SAMD12: variants seen among roughly 807,000 people sequenced by gnomAD.
The protein encoded by SAMD12 is sterile alpha motif domain-containing protein 12.
A neutral mutation model predicts 15.0 loss-of-function variants in SAMD12; 9 were observed. The ratio of observed to expected loss-of-function variants is 0.60; its 90% CI spans 0.36 to 1.05. The LOEUF (loss-of-function observed/expected upper bound fraction) is 1.05. Ranked by LOEUF, SAMD12 falls within the 50% of genes least tolerant of loss-of-function variation. The probability of loss-of-function intolerance (pLI) is 0.01; values close to 1 mark genes in which losing one functional copy is unlikely to be tolerated. For missense variants in SAMD12, 230 were observed against 234.2 expected, an observed-to-expected ratio of 0.98 and a Z score of 0.12; for synonymous variants, 86 against 90.1, an observed-to-expected ratio of 0.96 and a Z score of 0.25.
intron 4 of SAMD12, among the ~76,000 whole-genome samples, chr8:118,267,316 T>C (rs1001466551): frequency 6.6e-6 from 1 of 152,152 alleles, no homozygotes; most frequent in African/African-American, 2.4e-5. Context: ...GTCTTTATGA[T>C]GCCATGATTC....
At chr8:118,348,506 G>T (rs1306650831) in intron 4 of SAMD12, among the ~76,000 whole-genome samples, 1 of 152,024 alleles carries the variant, frequency 6.6e-6, no homozygotes, top group Admixed American at 6.6e-5. Flanking sequence ...CGAGTAGCTG[G>T]AACTACAGGC....
the SAMD12 span, among the ~76,000 whole-genome samples, chr8:118,184,346 C>T: frequency 1.3e-5 from 2 of 152,114 alleles, no homozygotes; most frequent in East Asian, 1.9e-4. Flanking sequence ...GTCTTTGAAA[C>T]TCTCCCAGTC....
intron 4 of SAMD12, among the ~76,000 whole-genome samples, chr8:118,296,775 A>G (rs1814735736): frequency 6.6e-6 from 1 of 152,242 alleles, no homozygotes; most frequent in Non-Finnish European, 1.5e-5. Context: ...AGGCAAACTA[A>G]GCTCTGGTCT....
intron 4 of SAMD12, among the ~76,000 whole-genome samples, chr8:118,343,780 C>CCGGACTAGGTCAGGA (rs1817492585): frequency 6.6e-6 from 1 of 152,000 alleles, no homozygotes. Flanking sequence ...ACAGATCAGG[C>CCGGACTAGGTCAGGA]CGGACTAGGT....
At chr8:118,366,550 T>C (rs1318516739) in intron 4 of SAMD12, among the ~76,000 whole-genome samples, 1 of 152,126 alleles carries the variant, frequency 6.6e-6, no homozygotes, top group African/African-American at 2.4e-5. Context: ...CGGTGGCTCA[T>C]GCCTGTAATC....
chr8:118,258,861 A>C (rs1196925539), intron 4 of SAMD12, among the ~76,000 whole-genome samples: 1 of 152,122 alleles, frequency 6.6e-6, no homozygotes, highest in Admixed American at 6.6e-5. Context: ...AAAGGAGTTG[A>C]GAATTGAGAA....
chr8:118,484,044 T>C (rs369999759), intron 2 of SAMD12, among the ~76,000 whole-genome samples: 2 of 152,316 alleles, frequency 1.3e-5, no homozygotes, highest in Admixed American at 6.5e-5. Flanking sequence ...AAAATCATCC[T>C]GTGATATGTC....
At chr8:118,441,531 ACTT>A (rs1393858368) in intron 2 of SAMD12, among the ~76,000 whole-genome samples, 2 of 152,018 alleles carry the variant, frequency 1.3e-5, no homozygotes, top group Non-Finnish European at 2.9e-5. Flanking sequence ...AATGCTGATC[ACTT>A]TTTATTTTGT....
At chr8:118,257,798 T>G (rs934470788) in intron 4 of SAMD12, among the ~76,000 whole-genome samples, 1 of 152,128 alleles carries the variant, frequency 6.6e-6, no homozygotes, top group South Asian at 2.1e-4. Flanking sequence ...AGACCAGTCA[T>G]GACCTTGAAA....
chr8:118,501,738 C>T lies in SAMD12; in HGVS notation c.193-61777G>A, dbSNP rs995888354. ...TCCTGTTAAAATGCAGATTCTGGGC[C>T]GGGCGCGGTGGCTCATGCCTGTAAT... On this transcript the variant is annotated intron_variant, in intron 2 of 3. Coordinates refer to ENST00000314727, the MANE Select transcript of SAMD12 (RefSeq NM_207506.3). Among the ~76,000 whole-genome samples the T allele has an allele frequency of 7.9e-5, 12 of 152,298 alleles. No individual in the cohort carries two copies. In the East Asian group the frequency reaches 2.3e-3, roughly 29 times the overall value.
At chr8:118,567,143 T>C (rs1320095929) in intron 2 of SAMD12, among the ~76,000 whole-genome samples, 1 of 152,160 alleles carries the variant, frequency 6.6e-6, no homozygotes, top group Non-Finnish European at 1.5e-5. Flanking sequence ...ATGAGGTAGA[T>C]AGTATTATTA....
intron 2 of SAMD12, among the ~76,000 whole-genome samples, chr8:118,550,767 T>C (rs369747614): frequency 0.19 from 27,922 of 149,728 alleles, 2,827 homozygotes; most frequent in African/African-American, 0.27. Context: ...CATCAGTGTG[T>C]TGTATTCAGG....
intron 2 of SAMD12, among the ~76,000 whole-genome samples, chr8:118,536,036 C>G (rs562057486): frequency 1.3e-5 from 2 of 152,198 alleles, no homozygotes; most frequent in East Asian, 1.9e-4. Flanking sequence ...TCTTCTGCGT[C>G]GCTCACGCTG....
intron 1 of SAMD12, among the ~76,000 whole-genome samples, chr8:118,608,837 C>T (rs1030379982): frequency 6.6e-6 from 1 of 152,094 alleles, no homozygotes. Context: ...GGAAGAACAG[C>T]CTAAACAAAG....
the SAMD12 span, among the ~76,000 whole-genome samples, chr8:118,167,197 C>T: frequency 2.0e-5 from 3 of 152,038 alleles, no homozygotes; most frequent in Admixed American, 6.6e-5. Context: ...CCCCCGCGCC[C>T]CCCACACGGA....
chr8:118,593,716 A>T (rs1290366774), intron 1 of SAMD12, among the ~76,000 whole-genome samples: 2 of 152,160 alleles, frequency 1.3e-5, no homozygotes, highest in Admixed American at 6.5e-5. Context: ...TTTTTCTGTA[A>T]ATGTTAGTTT....
the SAMD12 span, among the ~76,000 whole-genome samples, chr8:118,148,152 A>T: frequency 6.7e-6 from 1 of 150,140 alleles, no homozygotes; most frequent in Non-Finnish European, 1.5e-5. Flanking sequence ...CTAGTCTTGA[A>T]CTCCTGACCT....
intron 4 of SAMD12, among the ~76,000 whole-genome samples, chr8:118,359,652 G>A (rs1029539531): frequency 1.3e-5 from 2 of 152,078 alleles, no homozygotes; most frequent in Non-Finnish European, 2.9e-5. Flanking sequence ...GTGTGACTTG[G>A]GTTCAAATAA....
Position 118,589,974 on chromosome 8 carries a change from C to A in SAMD12, c.14-9081G>T, listed in dbSNP as rs551038471. On this transcript the variant is annotated intron_variant, in intron 1 of 3. Transcript: ENST00000314727. ...TATATATGAGACAAACATAAGACAACTGAATGGTAAAGAGAAGGAAGACAA... is the reference window on the plus strand; with the variant it reads ...TATATATGAGACAAACATAAGACAAATGAATGGTAAAGAGAAGGAAGACAA... Among the ~76,000 whole-genome samples, 157 of 152,180 alleles carry A rather than the reference C, an allele frequency of 1.0e-3. 1 individual carries two copies. Among genetic ancestry groups the A allele is most frequent in the African/African-American group, 3.6e-3 (148 of 41,516 alleles).
Sources: gnomAD v4.1 joint callset for allele counts (sites outside exome capture counted in the v4.1 genomes callset) on GRCh38, gnomAD v4.1.1 for gene constraint, MANE v1.5 for transcripts, NCBI Gene and HGNC (gene_info 2026-07-23, HGNC 2026-07-21) for gene names.